SHC2: variants seen among roughly 807,000 people sequenced by gnomAD.
SHC2 encodes the protein SHC adaptor protein 2.
SHC2 carries 62 observed loss-of-function variants against 60.6 expected under a neutral mutation model. The ratio of observed to expected loss-of-function variants is 1.02; its 90% CI spans 0.83 to 1.26. The LOEUF is 1.26. SHC2 is among the 50% of genes most tolerant of loss of function. The pLI is 0.00. For missense variants in SHC2, 873 were observed against 822.2 expected, an observed-to-expected ratio of 1.06 and a Z score of -0.76; for synonymous variants, 375 against 372.4, an observed-to-expected ratio of 1.01 and a Z score of -0.08.
At chr19:420,389 G>A (rs1305174464) in intron 11 of SHC2, among the ~76,000 whole-genome samples, 2 of 152,196 alleles carry the variant, frequency 1.3e-5, no homozygotes, top group African/African-American at 4.8e-5. Context: ...GCCACCTGAG[G>A]ATTCAGCTGG....
rs546242083 is a variant in SHC2 at position 454,276 on chromosome 19, C to T, written c.468+6253G>A. ...CACGGACGGTTCTGCTGGGCAGTGCCGGGCTGGGCTCATGAGACCCACGGC... is the reference window on the plus strand; with the variant it reads ...CACGGACGGTTCTGCTGGGCAGTGCTGGGCTGGGCTCATGAGACCCACGGC... On this transcript the variant is annotated intron_variant, in intron 1 of 12. Transcript: ENST00000264554. 7.2e-5 allele frequency among the ~76,000 whole-genome samples: 11 copies of T among 152,246 alleles called. No individual in the cohort carries two copies. In the South Asian group the frequency reaches 1.5e-3, roughly 20 times the overall value.
At chr19:427,989 C>T (rs72486326) in intron 9 of SHC2, among the ~76,000 whole-genome samples, 1 of 151,116 alleles carries the variant, frequency 6.6e-6, no homozygotes, top group Admixed American at 6.6e-5. Context: ...AATTGCACCC[C>T]GCACAGGGAA....
In SHC2 at chr19:434,793, G is replaced by A; in HGVS notation, c.1026C>T (p.Ile342=). The A allele has an allele frequency of 1.2e-6, 2 of 1,612,892 alleles. No homozygotes were observed. Among genetic ancestry groups the A allele is most frequent in the Non-Finnish European group, 1.7e-6 (2 of 1,179,828 alleles). ...DSLEHNYYNS[I]PGKEPPLGGL... is the part of the protein sequence containing the mutation. Reference sequence around the variant, plus strand: ...CGCCCAGCGGCGGCTCCTTCCCCGGGATGCTGTTGTAGTAATTGTGCTCCA... The same window carrying A: ...CGCCCAGCGGCGGCTCCTTCCCCGGAATGCTGTTGTAGTAATTGTGCTCCA... Residue 342 remains isoleucine, a synonymous_variant, in exon 8 of 13, where the codon ATC becomes ATT. Transcript: ENST00000264554.
chr19:457,909 C>T (rs559269543), intron 1 of SHC2, among the ~76,000 whole-genome samples: 8 of 152,374 alleles, frequency 5.3e-5, no homozygotes, highest in African/African-American at 1.4e-4. Flanking sequence ...CAGACCCAAC[C>T]AGGCCTGGCA....
intron 9 of SHC2, among the ~76,000 whole-genome samples, chr19:430,039 A>G (rs1486325684): frequency 1.3e-5 from 2 of 149,312 alleles, no homozygotes; most frequent in African/African-American, 5.0e-5. Flanking sequence ...CTATACCCCA[A>G]CGTGCACGGA....
chr19:429,404 T>G (rs62102120), intron 9 of SHC2, among the ~76,000 whole-genome samples: 28,875 of 141,584 alleles, frequency 0.2, 2,736 homozygotes, highest in Middle Eastern at 0.29. Flanking sequence ...ATATCCAACA[T>G]GCAGAGAAAC....
At chr19:456,346 G>T (rs1159156548) in intron 1 of SHC2, among the ~76,000 whole-genome samples, 1 of 148,148 alleles carries the variant, frequency 6.8e-6, no homozygotes, top group African/African-American at 2.5e-5. Flanking sequence ...CTCCCTGGGG[G>T]CCAGGGCCCC....
rs114542226 is a variant in SHC2 at position 441,163 on chromosome 19, A to G, written c.469-231T>C. 25,988 of 977,200 alleles carry G rather than the reference A, an allele frequency of 0.027. 1,610 individuals carry two copies. Among genetic ancestry groups the G allele is most frequent in the East Asian group, 0.21 (1,767 of 8,436 alleles). 60.5% of individuals were successfully genotyped at this position (977,200 alleles called of 1,614,324 possible). On this transcript the variant is annotated intron_variant, in intron 1 of 12. Coordinates refer to ENST00000264554, the MANE Select transcript of SHC2 (RefSeq NM_012435.3). The surrounding 1 kb of genome is among the most constrained non-coding windows in gnomAD (Gnocchi z 4.9). Reference sequence around the variant, plus strand: ...ATGTTTTTCTGTGTTGCTGTTTCTCAGGAGCCTGGTGGTTCCCCCAGACGC... The same window carrying G: ...ATGTTTTTCTGTGTTGCTGTTTCTCGGGAGCCTGGTGGTTCCCCCAGACGC...
rs528631765 is a variant in SHC2, at chr19:446,595, G to A, written c.469-5663C>T. On this transcript the variant is annotated intron_variant, in intron 1 of 12. Transcript: ENST00000264554. This position sits in a 1 kb window ranked among gnomAD's most constrained non-coding sequence, Gnocchi z 5.4. The stretch of plus-strand genomic sequence containing the variant: ...GCTGGGACTACAGGCGTGAGTCACC[G>A]CGCCCGGCTGTCTGTGTTGTTTTAA... Among the ~76,000 whole-genome samples, 11 of 152,262 alleles carry A rather than the reference G, an allele frequency of 7.2e-5. No individual in the cohort carries two copies. The highest frequency in any genetic ancestry group is 2.2e-4 in the African/African-American group (9 of 41,540).
chr19:422,392 AGGGGCTGCT>A lies in SHC2; in HGVS notation c.1365_1373del (p.Ala456_Pro458del), dbSNP rs771522827. 1.4e-5 allele frequency: 23 copies of A among 1,599,640 alleles called. No individual in the cohort carries two copies. The highest frequency in any genetic ancestry group is 5.1e-6 in the Non-Finnish European group (6 of 1,173,982). ...TGGGCCACTGGTCCTCCAAGGGAAG[AGGGGCTGCT>A]GTCACGCCTGCCGCCACTGAGCACT... On this transcript the variant is annotated inframe_deletion, in exon 11 of 13. Coordinates refer to ENST00000264554, the MANE Select transcript of SHC2 (RefSeq NM_012435.3). The surrounding 1 kb of genome is among the most constrained non-coding windows in gnomAD (Gnocchi z 5.0).
In SHC2 at chr19:425,932, G is replaced by A. The variant is rs762370075; in HGVS notation, c.1175-701C>T. On this transcript the variant is annotated intron_variant, in intron 9 of 12. Transcript: ENST00000264554. The surrounding 1 kb of genome is among the most constrained non-coding windows in gnomAD (Gnocchi z 4.1). ...CAATCCCAGCTATTTGGGAGGCTGA[G>A]GCATGAGAATCACTTGAATTCAGGA... 3.3e-5 allele frequency among the ~76,000 whole-genome samples: 5 copies of A among 151,874 alleles called. No individual in the cohort carries two copies. Among genetic ancestry groups the A allele is most frequent in the African/African-American group, 4.8e-5 (2 of 41,288 alleles).
Position 446,456 on chromosome 19 carries a change from G to A in SHC2, c.469-5524C>T, listed in dbSNP as rs1159530843. On this transcript the variant is annotated intron_variant, in intron 1 of 12. Transcript: ENST00000264554. The surrounding 1 kb of genome is among the most constrained non-coding windows in gnomAD (Gnocchi z 5.4). ...CTCCTGAGTAGCTGGGATTACAGGC[G>A]CCCACTACCACGCCCGGCTAATTTT... Among the ~76,000 whole-genome samples, 1 of 151,984 alleles carries A rather than the reference G, an allele frequency of 6.6e-6. No homozygotes were observed. Among genetic ancestry groups the A allele is most frequent in the Non-Finnish European group, 1.5e-5 (1 of 67,976 alleles).
intron 11 of SHC2, among the ~76,000 whole-genome samples, chr19:420,514 A>T (rs1173369436): frequency 6.6e-6 from 1 of 151,884 alleles, no homozygotes; most frequent in Non-Finnish European, 1.5e-5. Flanking sequence ...AAACCCTAGA[A>T]CTCCTTGTAA....
Position 417,256 on chromosome 19 carries a change from C to T in SHC2, c.*72G>A, listed in dbSNP as rs189681769. 323 of 153,276 alleles carry T rather than the reference C, an allele frequency of 2.1e-3. 6 individuals carry two copies. Among genetic ancestry groups the T allele is most frequent in the Admixed American group, 0.019 (295 of 15,316 alleles). The allele number at this position is 153,276 out of a possible 1,614,324, so 9.5% of individuals were successfully genotyped here. A position where few individuals can be genotyped will look rare whatever the true frequency, so the allele number is the denominator to read the frequency against. On this transcript the variant is annotated 3_prime_UTR_variant, in exon 13 of 13. Coordinates refer to ENST00000264554, the MANE Select transcript of SHC2 (RefSeq NM_012435.3). ...CAGGATCCAGGAGGAGGGCTGAGAGCCCCAAGGCCATGACAGGCAGGAGCC... is the reference window on the plus strand; with the variant it reads ...CAGGATCCAGGAGGAGGGCTGAGAGTCCCAAGGCCATGACAGGCAGGAGCC...
chr19:430,714 G>A lies in SHC2; in HGVS notation c.1144C>T (p.Leu382=), dbSNP rs1419041944. The A allele has an allele frequency of 3.1e-6, 5 of 1,613,014 alleles. No individual in the cohort carries two copies. Among genetic ancestry groups the A allele is most frequent in the Admixed American group, 1.7e-5 (1 of 59,998 alleles). ...CCGGTGGACCCCACGTCCCATGGCA[G>A]GCTGCAGGCATCTCTTAGAGAAGGA... ...PSPSLRDACS[L]PWDVGSTGTA... Residue 382 remains leucine (L), a synonymous_variant, in exon 9 of 13, where the codon CTG becomes TTG. Coordinates refer to ENST00000264554, the MANE Select transcript of SHC2 (RefSeq NM_012435.3).
intron 1 of SHC2, among the ~76,000 whole-genome samples, chr19:449,116 C>T (rs1014905335): frequency 5.9e-5 from 9 of 151,980 alleles, no homozygotes; most frequent in Non-Finnish European, 1.0e-4. Flanking sequence ...TGCCGTGAGC[C>T]GAGATGGTGC....
chr19:419,448 T>G, intron 11 of SHC2: 1 of 164,222 alleles, frequency 6.1e-6, no homozygotes, highest in Non-Finnish European at 1.3e-5. Flanking sequence ...ACTAGCTGCT[T>G]TCCTGACAGG....
chr19:430,321 G>A (rs144526575), intron 9 of SHC2, among the ~76,000 whole-genome samples: 2 of 151,660 alleles, frequency 1.3e-5, no homozygotes, highest in South Asian at 2.1e-4. Context: ...TGTGGATGAC[G>A]CGGCACCTAT....
intron 8 of SHC2, among the ~76,000 whole-genome samples, chr19:434,482 CTG>C (rs1491185927): frequency 1.8e-3 from 17 of 9,544 alleles, no homozygotes; most frequent in Non-Finnish European, 2.7e-3. Context: ...GATCGTGAGT[CTG>C]TGAGTGAGTG....
Sources: allele counts gnomAD v4.1 joint callset (sites outside exome capture counted in the v4.1 genomes callset), GRCh38; gene constraint gnomAD v4.1.1; non-coding constraint Gnocchi (gnomAD v3.1); transcripts MANE v1.5; gene names NCBI Gene and HGNC (gene_info 2026-07-23, HGNC 2026-07-21).